HOOK1: variants seen among roughly 807,000 people sequenced by gnomAD.
HOOK1 encodes hook microtubule tethering protein 1.
HOOK1 carries 60 observed loss-of-function variants against 112.8 expected under a neutral mutation model. The ratio of observed to expected loss-of-function variants is 0.53; its 90% confidence interval spans 0.43 to 0.66. The LOEUF (loss-of-function observed/expected upper bound fraction) is 0.66, where lower values mean the gene tolerates loss of function less well. Ranked by LOEUF, HOOK1 falls within the 30% of genes least tolerant of loss-of-function variation. The pLI, the probability that HOOK1 is intolerant of heterozygous loss-of-function variation, is 0.00. For synonymous variants in HOOK1, 294 were observed against 283.8 expected (o/e 1.04, Z -0.36); for missense variants, 770 against 856.0 (o/e 0.90, Z 1.25).
intron 13 of HOOK1, 38 bp from the exon 14 acceptor site, chr1:59,858,947 A>G: frequency 1.6e-6 from 2 of 1,244,344 alleles, no homozygotes; most frequent in Admixed American, 1.7e-5. Flanking sequence ...AAATAGTTGA[A>G]ATACTGAAAT....
intron 2 of HOOK1, among the ~76,000 whole-genome samples, chr1:59,826,286 T>C (rs2098389840): frequency 6.6e-6 from 1 of 151,852 alleles, no homozygotes; most frequent in Admixed American, 6.6e-5. Flanking sequence ...AGGAGCTAAT[T>C]ATTGGGTGCC....
intron 21 of HOOK1, among the ~76,000 whole-genome samples, chr1:59,872,587 G>T (rs973495290): frequency 3.9e-5 from 6 of 152,176 alleles, no homozygotes; most frequent in African/African-American, 1.4e-4. Context: ...TAAATTTAGT[G>T]ATTAAATAGA....
At chr1:59,815,318 A>G in intron 1 of HOOK1, 138 bp downstream of exon 1, 1 of 791,928 alleles carries the variant, frequency 1.3e-6, no homozygotes, top group Non-Finnish European at 1.9e-6. Flanking sequence ...CGTGCCCTTG[A>G]CCGAGAGAAT....
rs750876560 is a variant in HOOK1, at chr1:59,840,333, A to T, written c.563A>T (p.Gln188Leu). 6.3e-7 allele frequency: 1 copy of T among 1,595,830 alleles called. No individual in the cohort carries two copies. The highest frequency in any genetic ancestry group is 1.1e-5 in the South Asian group (1 of 87,046). ...CTTAAAAGAGCCTTGGAAGAACTTC[A>T]GGAAGCACTAGCAGAAAAAGAAGAG... ...QQLKRALEEL[Q>L]EALAEKEELR... Residue 188 changes from glutamine to leucine, a missense_variant, in exon 8 of 22, where the codon CAG (glutamine) becomes CTG (leucine). By Grantham distance (113) the Gln-to-Leu change is moderately radical. Coordinates refer to ENST00000371208, the MANE Select transcript of HOOK1 (RefSeq NM_015888.6).
At chr1:59,854,029 TATATATATA>T (rs1255746314) in intron 12 of HOOK1, among the ~76,000 whole-genome samples, 20 of 30,060 alleles carry the variant, frequency 6.7e-4, no homozygotes, top group South Asian at 1.1e-3. Context: ...TATATATATA[TATATATATA>T]TTTTTTTTTT....
chr1:59,829,180 C>G (rs1366485274), intron 3 of HOOK1, among the ~76,000 whole-genome samples: 1 of 152,014 alleles, frequency 6.6e-6, no homozygotes, highest in Non-Finnish European at 1.5e-5. Context: ...CTCTTTTTGT[C>G]TAACTTCATT....
At chr1:59,867,892 T>A (rs1643995204) in intron 19 of HOOK1, among the ~76,000 whole-genome samples, 1 of 152,184 alleles carries the variant, frequency 6.6e-6, no homozygotes, top group South Asian at 2.1e-4. Context: ...ATTTTGATTT[T>A]TTTAAAAATT....
chr1:59,875,003 TGACTTCTG>T lies in HOOK1; in HGVS notation c.*2040_*2047del, dbSNP rs1007775247. 1.3e-5 allele frequency: 2 copies of T among 152,630 alleles called. No individual in the cohort carries two copies. The highest frequency in any genetic ancestry group is 2.9e-5 in the Non-Finnish European group (2 of 68,020). 9.5% of individuals were successfully genotyped at this position (152,630 alleles called of 1,614,324 possible). On this transcript the variant is annotated 3_prime_UTR_variant, in exon 22 of 22. Transcript: ENST00000371208. Reference sequence around the variant, plus strand: ...TATTCTTGTAGTGTCTGCTTGCCTGTGACTTCTGGTAAAATAAAATAAGCCTTTGAAAA... The same window carrying T: ...TATTCTTGTAGTGTCTGCTTGCCTGTGTAAAATAAAATAAGCCTTTGAAAA...
At chr1:59,830,375 G>C (rs539785744) in intron 3 of HOOK1, among the ~76,000 whole-genome samples, 1 of 151,902 alleles carries the variant, frequency 6.6e-6, no homozygotes, top group African/African-American at 2.4e-5. Context: ...TTGAATTTCT[G>C]TTATTAAGTT....
At chr1:59,858,383 A>T (rs1000130914) in intron 12 of HOOK1, 45 bp from the exon 13 acceptor site, 1 of 1,135,378 alleles carries the variant, frequency 8.8e-7, no homozygotes, top group Non-Finnish European at 1.3e-6. Flanking sequence ...TACATTGTTT[A>T]TAGGCAGAAT....
At chr1:59,864,240 A>G (rs1643917404) in intron 16 of HOOK1, among the ~76,000 whole-genome samples, 1 of 151,846 alleles carries the variant, frequency 6.6e-6, no homozygotes, top group Non-Finnish European at 1.5e-5. Context: ...TGTTCCTCAT[A>G]AGAGGCCCAA....
intron 20 of HOOK1, among the ~76,000 whole-genome samples, chr1:59,869,945 G>A (rs150290591): frequency 4.1e-4 from 62 of 152,254 alleles, no homozygotes; most frequent in Non-Finnish European, 8.2e-4. Context: ...ACATGTGGAC[G>A]TGTCTTGAGG....
At chr1:59,855,875 G>C (rs967232146) in intron 12 of HOOK1, among the ~76,000 whole-genome samples, 1 of 144,410 alleles carries the variant, frequency 6.9e-6, no homozygotes, top group African/African-American at 2.6e-5. Context: ...TGGGCATCAA[G>C]CAGTCTTCTT....
intron 1 of HOOK1, among the ~76,000 whole-genome samples, chr1:59,820,232 T>A (rs987107950): frequency 1.3e-5 from 2 of 152,244 alleles, no homozygotes; most frequent in Admixed American, 6.5e-5. Context: ...TCATAGCTAA[T>A]GTGCTAACAG....
At chr1:59,843,914 A>G (rs953476966) in intron 9 of HOOK1, among the ~76,000 whole-genome samples, 1 of 152,056 alleles carries the variant, frequency 6.6e-6, no homozygotes, top group Non-Finnish European at 1.5e-5. Context: ...CTCAAATAAG[A>G]TAGGTAACCC....
chr1:59,828,048 G>A (rs1480333249), intron 2 of HOOK1, among the ~76,000 whole-genome samples: 1 of 151,932 alleles, frequency 6.6e-6, no homozygotes, highest in African/African-American at 2.4e-5. Flanking sequence ...AGTCAAAAGG[G>A]TAAATTATCT....
At position 59,833,537 on chromosome 1, in the gene HOOK1, G is replaced by C; in HGVS notation, c.406G>C (p.Glu136Gln). Residue 136 changes from glutamate (E) to glutamine (Q), a missense_variant and splice_region_variant, in exon 5 of 22, where the codon GAA (glutamate) becomes CAA (glutamine). Around this residue, in one of 3 missense-constraint regions of HOOK1, gnomAD observed 655 missense variants for 725.9 expected, o/e 0.90. Transcript: ENST00000371208. ...GCAINCEKKQ[E>Q]HIQNIMTLEE... ...TGCGATCAACTGTGAAAAGAAGCAA[G>C]GTAAGTGAATTTCAATCATTTGAGG... 6.5e-7 allele frequency: 1 copy of C among 1,534,490 alleles called. No homozygotes were observed. Among genetic ancestry groups the C allele is most frequent in the Non-Finnish European group, 8.8e-7 (1 of 1,132,422 alleles).
intron 12 of HOOK1, among the ~76,000 whole-genome samples, chr1:59,852,462 GAAAC>G (rs1316822047): frequency 1.3e-5 from 2 of 150,108 alleles, no homozygotes; most frequent in African/African-American, 2.4e-5. Flanking sequence ...ATTTCTGTGA[GAAAC>G]AAGAGAATTT....
intron 3 of HOOK1, among the ~76,000 whole-genome samples, chr1:59,830,412 T>C (rs573240515): frequency 6.6e-6 from 1 of 152,298 alleles, no homozygotes; most frequent in East Asian, 1.9e-4. Context: ...TCTTGTGTGT[T>C]CTTGAATGAA....
Sources: gnomAD v4.1 joint callset for allele counts (sites outside exome capture counted in the v4.1 genomes callset) on GRCh38, gnomAD v4.1.1 for gene constraint, gnomAD v4.1.1 regional missense constraint, MANE v1.5 for transcripts, NCBI Gene and HGNC (gene_info 2026-07-23, HGNC 2026-07-21) for gene names.